INTU: variants seen among roughly 807,000 people sequenced by gnomAD.
INTU encodes inturned planar cell polarity protein.
INTU carries 68 observed loss-of-function variants against 100.5 expected under a neutral mutation model. The ratio of observed to expected loss-of-function variants is 0.68; its 90% CI spans 0.56 to 0.83. The LOEUF is 0.83. Among genes scored for constraint, INTU ranks in the 40% least tolerant of loss-of-function variants. INTU has a pLI of 0.00. For missense variants in INTU, 1,071 were observed against 1,114.7 expected (o/e 0.96, Z 0.56); for synonymous variants, 357 against 395.7 (o/e 0.90, Z 1.16).
chr4:127,662,244 ATTAT>A (rs1204948328), intron 3 of INTU, among the ~76,000 whole-genome samples: 4 of 151,900 alleles, frequency 2.6e-5, no homozygotes, highest in Non-Finnish European at 2.9e-5. Context: ...TACTCTGTTG[ATTAT>A]TTATTTTGCT....
chr4:127,687,946 T>G lies in INTU; in HGVS notation c.1449+79T>G, dbSNP rs780706286. ...TGTATCTTCTCTTTTTTTCGTAGAC[T>G]TTTTGTTATTTTTGGAATTATGGTT... is the stretch of plus-strand genomic sequence containing the variant. On this transcript the variant is annotated intron_variant, in intron 8 of 15. Coordinates refer to ENST00000335251, the MANE Select transcript of INTU (RefSeq NM_015693.4). 3.2e-4 allele frequency: 304 copies of G among 962,916 alleles called. 1 individual carries two copies. The highest frequency in any genetic ancestry group is 4.2e-4 in the Non-Finnish European group (292 of 702,362). The allele number at this position is 962,916 out of a possible 1,614,324, so 59.6% of individuals were successfully genotyped here.
chr4:127,705,701 G>A lies in INTU; in HGVS notation c.1677G>A (p.Leu559=). ...CAGCAAAACAAAGAATTGGTCAGTTGATCATATGGAGAGAAGTGTTTCCTC... is the reference window on the plus strand; with the variant it reads ...CAGCAAAACAAAGAATTGGTCAGTTAATCATATGGAGAGAAGTGTTTCCTC... ...PLAAKQRIGQ[L]IIWREVFPQH... The change falls in exon 11 of 16, where the codon TTG becomes TTA. Residue 559 remains leucine (L), a synonymous_variant. Coordinates refer to ENST00000335251, the MANE Select transcript of INTU (RefSeq NM_015693.4). 3.1e-6 allele frequency: 5 copies of A among 1,614,008 alleles called. No homozygotes were observed. The highest frequency in any genetic ancestry group is 1.1e-5 in the South Asian group (1 of 91,062).
At chr4:127,681,370 A>G (rs1288038952) in intron 6 of INTU, among the ~76,000 whole-genome samples, 3 of 152,222 alleles carry the variant, frequency 2.0e-5, no homozygotes, top group Non-Finnish European at 4.4e-5. Context: ...AGGCTACAGT[A>G]ACCACAACAG....
In INTU at chr4:127,724,917, C is replaced by A. The variant is rs1578648486; in HGVS notation, c.*8481C>A. 2 of 151,994 alleles carry A rather than the reference C, an allele frequency of 1.3e-5. No individual in the cohort carries two copies. The highest frequency in any genetic ancestry group is 4.8e-5 in the African/African-American group (2 of 41,368). The allele number at this position is 151,994 out of a possible 1,614,324, so 9.4% of individuals were successfully genotyped here. A position where few individuals can be genotyped will look rare whatever the true frequency, so the allele number is the denominator to read the frequency against. ...AAGTTGCAAACCACTACATATTTGT[C>A]CCATTAGTGACTAGTGGGCCTTAAT... On this transcript the variant is annotated 3_prime_UTR_variant, in exon 16 of 16. Transcript: ENST00000335251.
At chr4:127,697,382 C>G (rs1730440125) in intron 8 of INTU, among the ~76,000 whole-genome samples, 1 of 152,102 alleles carries the variant, frequency 6.6e-6, no homozygotes, top group Non-Finnish European at 1.5e-5. Flanking sequence ...CTTACCTGTT[C>G]TAAATATTTT....
chr4:127,716,331 T>G lies in INTU; in HGVS notation c.2724T>G (p.Leu908=), dbSNP rs1731261009. Residue 908 remains leucine (L), a synonymous_variant, in exon 16 of 16, where the codon CTT becomes CTG. Coordinates refer to ENST00000335251, the MANE Select transcript of INTU (RefSeq NM_015693.4). ...PVMAYWVVGR[L]FLHPKPQELY... ...GTGTTCTTTTCTTCTGCAGGAGACTTTTTCTTCATCCAAAACCTCAAGAAC... is the reference window on the plus strand; with the variant it reads ...GTGTTCTTTTCTTCTGCAGGAGACTGTTTCTTCATCCAAAACCTCAAGAAC... 3 of 1,543,318 alleles carry G rather than the reference T, an allele frequency of 1.9e-6. No individual in the cohort carries two copies. Among genetic ancestry groups the G allele is most frequent in the Non-Finnish European group, 2.6e-6 (3 of 1,138,664 alleles).
intron 9 of INTU, among the ~76,000 whole-genome samples, chr4:127,700,563 A>G (rs1239502942): frequency 6.6e-6 from 1 of 152,170 alleles, no homozygotes; most frequent in Admixed American, 6.5e-5. Flanking sequence ...CTCATTCAAA[A>G]TTGGGGCTGA....
At chr4:127,668,879 A>C (rs1728805558) in intron 4 of INTU, among the ~76,000 whole-genome samples, 157 bp from the exon 5 acceptor site, 1 of 151,880 alleles carries the variant, frequency 6.6e-6, no homozygotes, top group Non-Finnish European at 1.5e-5. Flanking sequence ...ATGTGTTAAA[A>C]TTCCAAGCAT....
chr4:127,640,925 A>C (rs891392535), intron 1 of INTU, among the ~76,000 whole-genome samples: 1 of 151,892 alleles, frequency 6.6e-6, no homozygotes, highest in African/African-American at 2.4e-5. Flanking sequence ...TTGTGTTCCC[A>C]TGTATTACAA....
At chr4:127,633,207 A>T in intron 1 of INTU, 27 bp downstream of exon 1, 1 of 1,605,212 alleles carries the variant, frequency 6.2e-7, no homozygotes, top group African/African-American at 1.3e-5. Context: ...GGGACAATTA[A>T]TCCCATCCCA....
intron 3 of INTU, among the ~76,000 whole-genome samples, chr4:127,661,871 T>G (rs945205058): frequency 6.6e-6 from 1 of 152,172 alleles, no homozygotes; most frequent in Non-Finnish European, 1.5e-5. Flanking sequence ...CATACTGTTT[T>G]CCATAGAGGT....
chr4:127,683,044 C>T (rs181662868), intron 6 of INTU, among the ~76,000 whole-genome samples: 3 of 152,144 alleles, frequency 2.0e-5, no homozygotes, highest in Non-Finnish European at 4.4e-5. Flanking sequence ...AGACAGTTTC[C>T]AGGTGAGTTT....
At chr4:127,635,565 T>G (rs1252809273) in intron 1 of INTU, among the ~76,000 whole-genome samples, 1 of 152,344 alleles carries the variant, frequency 6.6e-6, no homozygotes, top group Non-Finnish European at 1.5e-5. Context: ...AAATGAGATA[T>G]TAGCTGTTAA....
intron 8 of INTU, among the ~76,000 whole-genome samples, chr4:127,690,042 C>T (rs2126235033): frequency 6.6e-6 from 1 of 152,222 alleles, no homozygotes; most frequent in Admixed American, 6.5e-5. Flanking sequence ...TATATAGTCC[C>T]TTCTTTCTGT....
chr4:127,695,886 G>C (rs568882556), intron 8 of INTU, among the ~76,000 whole-genome samples: 3 of 152,168 alleles, frequency 2.0e-5, no homozygotes, highest in Non-Finnish European at 4.4e-5. Context: ...AGTATACTAA[G>C]AGTTTTTATC....
In INTU at chr4:127,674,127, A is replaced by T; in HGVS notation, c.1095A>T (p.Ser365=). ...ENVTGTQVTS[S]SLLLNGKQIH... ...TTTTGAATATATTGTTTCTTAGTTC[A>T]TCCCTCCTTTTAAATGGAAAACAAA... Residue 365 remains serine, a synonymous_variant, in exon 6 of 16, where the codon TCA becomes TCT. Coordinates refer to ENST00000335251, the MANE Select transcript of INTU (RefSeq NM_015693.4). 6.2e-7 allele frequency: 1 copy of T among 1,604,862 alleles called. No homozygotes were observed. The highest frequency in any genetic ancestry group is 1.3e-5 in the African/African-American group (1 of 74,726).
intron 1 of INTU, among the ~76,000 whole-genome samples, chr4:127,634,352 C>G (rs927296933): frequency 6.6e-6 from 1 of 152,202 alleles, no homozygotes; most frequent in Non-Finnish European, 1.5e-5. Flanking sequence ...AAGACTCAAA[C>G]TCTTGGCTTC....
At chr4:127,699,024 A>G (rs746307600) in intron 8 of INTU, among the ~76,000 whole-genome samples, 3 of 152,200 alleles carry the variant, frequency 2.0e-5, no homozygotes, top group Non-Finnish European at 4.4e-5. Context: ...TCATCTCAGT[A>G]AGACACAGTT....
intron 8 of INTU, among the ~76,000 whole-genome samples, chr4:127,695,268 T>A (rs886486338): frequency 1.2e-4 from 18 of 152,204 alleles, no homozygotes; most frequent in African/African-American, 3.9e-4. Context: ...ATTGTGTTTT[T>A]AATTTCAAAT....
Sources: gnomAD v4.1 joint callset for allele counts (sites outside exome capture counted in the v4.1 genomes callset) on GRCh38, gnomAD v4.1.1 for gene constraint, MANE v1.5 for transcripts, NCBI Gene and HGNC (gene_info 2026-07-23, HGNC 2026-07-21) for gene names.